Variants in CD96 observed in about 807,000 individuals in gnomAD.
The protein encoded by CD96 is CD96 molecule.
CD96 carries 70 observed loss-of-function variants against 71.3 expected under a neutral mutation model. The observed-to-expected ratio is 0.98, with a 90% CI of 0.81 to 1.20. The LOEUF (loss-of-function observed/expected upper bound fraction) is 1.20. CD96 is among the 50% of genes most tolerant of loss of function. The probability of loss-of-function intolerance (pLI) is 0.00; values close to 1 mark genes in which losing one functional copy is unlikely to be tolerated. For missense variants in CD96, 742 were observed against 677.5 expected, an observed-to-expected ratio of 1.10 and a Z score of -1.06; for synonymous variants, 248 against 233.0, an observed-to-expected ratio of 1.06 and a Z score of -0.59.
intron 5 of CD96, among the ~76,000 whole-genome samples, chr3:111,588,844 T>C (rs1228077794): frequency 6.6e-6 from 1 of 152,216 alleles, no homozygotes; most frequent in Non-Finnish European, 1.5e-5. Context: ...ATTTTTGCTG[T>C]GTTGTAACTT....
At chr3:111,622,367 T>C (rs954410993) in intron 8 of CD96, among the ~76,000 whole-genome samples, 1 of 152,220 alleles carries the variant, frequency 6.6e-6, no homozygotes, top group African/African-American at 2.4e-5. Flanking sequence ...TAAGACATAC[T>C]TTTTAGCATT....
At chr3:111,561,769 TA>T (rs1461118703) in intron 2 of CD96, among the ~76,000 whole-genome samples, 1 of 149,470 alleles carries the variant, frequency 6.7e-6, no homozygotes, top group Non-Finnish European at 1.5e-5. Flanking sequence ...TTTGTTTACC[TA>T]AGCAAGCCTG....
chr3:111,644,526 T>C (rs537113653), intron 12 of CD96, among the ~76,000 whole-genome samples: 1 of 151,790 alleles, frequency 6.6e-6, no homozygotes, highest in East Asian at 1.9e-4. Context: ...CAAAGATAAT[T>C]AAACTAAAGA....
At chr3:111,583,546 C>A (rs1435236373) in intron 4 of CD96, among the ~76,000 whole-genome samples, 1 of 152,256 alleles carries the variant, frequency 6.6e-6, no homozygotes, top group Non-Finnish European at 1.5e-5. Flanking sequence ...CCCGCCCTTG[C>A]AGCAAACTTT....
intron 2 of CD96, among the ~76,000 whole-genome samples, chr3:111,563,308 G>A (rs371071859): frequency 4.6e-5 from 7 of 152,312 alleles, no homozygotes; most frequent in African/African-American, 1.2e-4. Flanking sequence ...AGGCACCTAC[G>A]AAGTTTGCTT....
At chr3:111,556,796 G>A (rs898210429) in intron 2 of CD96, among the ~76,000 whole-genome samples, 2 of 152,096 alleles carry the variant, frequency 1.3e-5, no homozygotes, top group African/African-American at 4.8e-5. Context: ...TTCCATAATG[G>A]TGGAACTAGT....
intron 6 of CD96, among the ~76,000 whole-genome samples, chr3:111,599,636 G>A (rs1299523066): frequency 1.3e-5 from 2 of 151,962 alleles, no homozygotes; most frequent in South Asian, 2.1e-4. Flanking sequence ...CAGGAGAATC[G>A]CTTGAACCTG....
intron 5 of CD96, among the ~76,000 whole-genome samples, chr3:111,590,501 A>G (rs1936926829): frequency 1.3e-5 from 2 of 152,248 alleles, no homozygotes; most frequent in Non-Finnish European, 2.9e-5. Context: ...TACAAAGTTT[A>G]TGGCTAATTT....
At chr3:111,626,104 C>A (rs959512680) in intron 10 of CD96, among the ~76,000 whole-genome samples, 3 of 151,842 alleles carry the variant, frequency 2.0e-5, no homozygotes, top group Non-Finnish European at 4.4e-5. Context: ...GAGATCAAGA[C>A]CATCCTGGCT....
chr3:111,657,663 G>A lies in CD96; in HGVS notation c.*52+7805G>A, dbSNP rs1165304519. 2.0e-5 allele frequency among the ~76,000 whole-genome samples: 3 copies of A among 152,078 alleles called. No individual in the cohort carries two copies. In the East Asian group the frequency reaches 5.8e-4, roughly 29 times the overall value. ...CATTGGGTGCCCAGGTTCTCATTGA[G>A]GGAAAAGGAACATATAAATATGGAA... On this transcript the variant is annotated intron_variant and NMD_transcript_variant, in intron 14 of 14. Transcript: ENST00000494798.
intron 5 of CD96, among the ~76,000 whole-genome samples, chr3:111,589,184 T>A (rs1324316808): frequency 6.6e-6 from 1 of 151,970 alleles, no homozygotes; most frequent in Non-Finnish European, 1.5e-5. Context: ...TGCCCTGACC[T>A]CGTGATCCGC....
At chr3:111,621,236 TC>T in intron 8 of CD96, among the ~76,000 whole-genome samples, 1 of 152,328 alleles carries the variant, frequency 6.6e-6, no homozygotes, top group Non-Finnish European at 1.5e-5. Context: ...TAGATCTTTT[TC>T]ATCATCCTCA....
intron 2 of CD96, among the ~76,000 whole-genome samples, chr3:111,558,836 C>T (rs1935221046): frequency 6.7e-6 from 1 of 149,498 alleles, no homozygotes; most frequent in Non-Finnish European, 1.5e-5. Flanking sequence ...CCATCTGGTC[C>T]TGGACTCTTT....
At chr3:111,575,548 G>A (rs1936184727) in intron 3 of CD96, among the ~76,000 whole-genome samples, 2 of 152,248 alleles carry the variant, frequency 1.3e-5, no homozygotes, top group South Asian at 4.1e-4. Flanking sequence ...TGGCAAGAGA[G>A]CAGATTGAGC....
At chr3:111,561,735 A>G (rs1360860890) in intron 2 of CD96, among the ~76,000 whole-genome samples, 16 of 144,798 alleles carry the variant, frequency 1.1e-4, no homozygotes, top group South Asian at 4.7e-4. Flanking sequence ...GGTGGGCTCC[A>G]CCCAGTTCGA....
intron 12 of CD96, among the ~76,000 whole-genome samples, chr3:111,644,505 T>A (rs951230860): frequency 1.6e-4 from 24 of 150,654 alleles, no homozygotes; most frequent in Non-Finnish European, 1.3e-4. Context: ...AAAAAGCAAA[T>A]GCAATAAAAA....
intron 2 of CD96, among the ~76,000 whole-genome samples, chr3:111,561,401 T>C (rs1245605102): frequency 7.0e-6 from 1 of 143,710 alleles, no homozygotes; most frequent in Non-Finnish European, 1.6e-5. Flanking sequence ...TGGATGTCCT[T>C]TCTGTTTGTT....
At chr3:111,598,246 A>C (rs777592299) in intron 6 of CD96, 36 bp downstream of exon 6, 1 of 866,176 alleles carries the variant, frequency 1.2e-6, no homozygotes, top group East Asian at 2.4e-5. Context: ...AGTTCGGTAC[A>C]AAAAGAAAGA....
chr3:111,555,698 C>G (rs1449601524), intron 2 of CD96, among the ~76,000 whole-genome samples: 2 of 152,280 alleles, frequency 1.3e-5, no homozygotes, highest in Non-Finnish European at 2.9e-5. Flanking sequence ...TATGATGTGT[C>G]TTTTGGCTTT....
Sources: allele counts gnomAD v4.1 joint callset (sites outside exome capture counted in the v4.1 genomes callset), GRCh38; gene constraint gnomAD v4.1.1; transcripts MANE v1.5; gene names NCBI Gene and HGNC (gene_info 2026-07-23, HGNC 2026-07-21).